Variants in ZNF221 observed in about 807,000 individuals in gnomAD.
ZNF221 encodes zinc finger protein 221.
A neutral mutation model predicts 12.6 loss-of-function variants in ZNF221; 10 were observed. That is an observed-to-expected ratio of 0.79 (90% CI 0.49 to 1.34). The LOEUF (loss-of-function observed/expected upper bound fraction) is 1.34. Ranked by LOEUF, ZNF221 falls within the 40% of genes most tolerant of loss-of-function variation. ZNF221 has a pLI of 0.00. For synonymous variants in ZNF221, 232 were observed against 244.0 expected, an observed-to-expected ratio of 0.95 and a Z score of 0.46; for missense variants, 661 against 721.4, an observed-to-expected ratio of 0.92 and a Z score of 0.96.
At chr19:43,951,540 A>G (rs1599809930) in intron 1 of ZNF221, 140 bp downstream of exon 1, 1 of 152,194 alleles carries the variant, frequency 6.6e-6, no homozygotes, top group Non-Finnish European at 1.5e-5. Context: ...AGCTCGCCCA[A>G]TCCGCATCCC....
chr19:43,966,261 A>G lies in ZNF221; in HGVS notation c.759A>G (p.Pro253=). Residue 253 remains proline, a synonymous_variant, in exon 5 of 5, where the codon CCA becomes CCG. Transcript: ENST00000587682. ...AGAGAGTCCATACTGGAGAGAAACC[A>G]TTCAAATGTGGGCAATGTGGGAAAG... is the stretch of plus-strand genomic sequence containing the variant. ...THQRVHTGEK[P]FKCGQCGKGF... 3 of 1,614,110 alleles carry G rather than the reference A, an allele frequency of 1.9e-6. No individual in the cohort carries two copies. The highest frequency in any genetic ancestry group is 2.5e-6 in the Non-Finnish European group (3 of 1,179,934).
Position 43,966,700 on chromosome 19 carries a change from G to A in ZNF221, c.1198G>A (p.Gly400Arg). The part of the protein sequence containing the change: ...GEKPYNCKEC[G>R]KTFRWSSCLL... ...GAAACCATATAATTGTAAAGAATGT[G>A]GGAAGACCTTCAGATGGTCCTCATG... Residue 400 changes from glycine to arginine, a missense_variant, in exon 5 of 5, where the codon GGG (glycine) becomes AGG (arginine). Gly to Arg is a moderately radical substitution (Grantham distance 125). Transcript: ENST00000587682. 6.2e-7 allele frequency: 1 copy of A among 1,614,216 alleles called. No homozygotes were observed. The highest frequency in any genetic ancestry group is 1.7e-5 in the Admixed American group (1 of 60,026).
rs554445224 is a variant in ZNF221 at position 43,966,908 on chromosome 19, A to G, written c.1406A>G (p.Gln469Arg). 1 of 1,614,258 alleles carries G rather than the reference A, an allele frequency of 6.2e-7. No homozygotes were observed. The highest frequency in any genetic ancestry group is 1.3e-5 in the African/African-American group (1 of 75,076). The change falls in exon 5 of 5, where the codon CAG becomes CGG. Residue 469 changes from glutamine to arginine, a missense_variant. Coordinates refer to ENST00000587682, the MANE Select transcript of ZNF221 (RefSeq NM_001297588.2). ...YKRRLDLEFH[Q>R]RVHTGERPYN... is the part of the protein sequence containing the mutation. Reference sequence around the variant, plus strand: ...AGGAGGTTGGATCTTGAGTTTCACCAGAGGGTCCACACGGGTGAGAGACCC... The same window carrying G: ...AGGAGGTTGGATCTTGAGTTTCACCGGAGGGTCCACACGGGTGAGAGACCC...
chr19:43,969,045 T>C (rs1009475270), downstream of ZNF221, among the ~76,000 whole-genome samples: 3 of 152,122 alleles, frequency 2.0e-5, no homozygotes, highest in Non-Finnish European at 4.4e-5. Flanking sequence ...TATATTCCCC[T>C]AGGAAGGGGG....
At chr19:43,973,675 C>A in the ZNF221 span, among the ~76,000 whole-genome samples, 5 of 152,112 alleles carry the variant, frequency 3.3e-5, no homozygotes, top group South Asian at 1.0e-3. Flanking sequence ...AATAAGTTAT[C>A]TAGGAATACA....
At chr19:43,965,756 T>C in intron 4 of ZNF221, 48 bp from the exon 5 acceptor site, 1 of 1,475,942 alleles carries the variant, frequency 6.8e-7, no homozygotes, top group East Asian at 2.3e-5. Context: ...TTGAAAACAT[T>C]GAATAGGGCT....
chr19:43,968,547 C>T (rs1000530153), downstream of ZNF221, among the ~76,000 whole-genome samples: 6 of 152,130 alleles, frequency 3.9e-5, no homozygotes, highest in African/African-American at 1.4e-4. Context: ...AAGGAGAAAA[C>T]ATATTTCAAA....
At chr19:43,952,511 A>G (rs755485502) in intron 1 of ZNF221, among the ~76,000 whole-genome samples, 3 of 152,214 alleles carry the variant, frequency 2.0e-5, no homozygotes, top group Admixed American at 6.5e-5. Context: ...CACGTACACC[A>G]CATGGTAGCT....
chr19:43,978,634 C>G, the ZNF221 span: 1 of 152,086 alleles, frequency 6.6e-6, no homozygotes, highest in East Asian at 1.9e-4. Context: ...GAGTATTTGA[C>G]TCCCAATAAA....
At chr19:43,968,773 A>G (rs958216163), downstream of ZNF221, among the ~76,000 whole-genome samples, 1 of 152,196 alleles carries the variant, frequency 6.6e-6, no homozygotes, top group Non-Finnish European at 1.5e-5. Flanking sequence ...TTGGTGTGGC[A>G]TGGAGCCAAA....
chr19:43,974,628 T>C, the ZNF221 span, among the ~76,000 whole-genome samples: 2 of 52,478 alleles, frequency 3.8e-5, no homozygotes, highest in African/African-American at 4.4e-5. Context: ...CTGACAAACA[T>C]GAAAAAAAAG....
chr19:43,978,782 G>A, the ZNF221 span: 1 of 151,994 alleles, frequency 6.6e-6, no homozygotes, highest in Non-Finnish European at 1.5e-5. Flanking sequence ...CTTTGAAATT[G>A]GGTACATTAT....
chr19:43,962,164 A>G (rs1488511186), intron 1 of ZNF221, among the ~76,000 whole-genome samples: 1 of 152,088 alleles, frequency 6.6e-6, no homozygotes, highest in African/African-American at 2.4e-5. Flanking sequence ...ATTATTTCCA[A>G]CTTTATTGAG....
chr19:43,955,074 G>T (rs143889081), intron 1 of ZNF221, among the ~76,000 whole-genome samples: 17 of 151,588 alleles, frequency 1.1e-4, no homozygotes, highest in African/African-American at 1.9e-4. Context: ...GCTGGACATT[G>T]TGGGCTCTAT....
At chr19:43,979,998 A>T in the ZNF221 span, among the ~76,000 whole-genome samples, 64 of 152,336 alleles carry the variant, frequency 4.2e-4, no homozygotes, top group African/African-American at 1.5e-3. Context: ...ATGATTCTAG[A>T]TGACCATGAA....
At chr19:43,955,054 T>C (rs1974734004) in intron 1 of ZNF221, among the ~76,000 whole-genome samples, 1 of 152,020 alleles carries the variant, frequency 6.6e-6, no homozygotes, top group Non-Finnish European at 1.5e-5. Context: ...AGGATCGCTC[T>C]CTATTCATTG....
At chr19:43,956,959 A>G (rs1974766214) in intron 1 of ZNF221, among the ~76,000 whole-genome samples, 1 of 152,228 alleles carries the variant, frequency 6.6e-6, no homozygotes, top group Admixed American at 6.5e-5. Flanking sequence ...AGATTTGTAA[A>G]CAGAAAAAGG....
rs1301222055 is a variant in ZNF221, at chr19:43,966,195, T to C, written c.693T>C (p.Cys231=). The C allele has an allele frequency of 1.1e-5, 18 of 1,614,062 alleles. No homozygotes were observed. Among genetic ancestry groups the C allele is most frequent in the Non-Finnish European group, 1.5e-5 (18 of 1,180,036 alleles). The change falls in exon 5 of 5, where the codon TGT becomes TGC. Residue 231 remains cysteine (C), a synonymous_variant. Coordinates refer to ENST00000587682, the MANE Select transcript of ZNF221 (RefSeq NM_001297588.2). ...AAAAATGCTATAAGTGTGATGTGTGTGGTAAGGAATTTAATCAGAGCTCAC... is the reference window on the plus strand; with the variant it reads ...AAAAATGCTATAAGTGTGATGTGTGCGGTAAGGAATTTAATCAGAGCTCAC... ...MGEKCYKCDV[C]GKEFNQSSHL...
intron 1 of ZNF221, among the ~76,000 whole-genome samples, chr19:43,961,355 T>C (rs879584205): frequency 1.3e-5 from 2 of 152,190 alleles, no homozygotes; most frequent in Non-Finnish European, 2.9e-5. Flanking sequence ...GAGAAACAAC[T>C]TATTGTAGCT....
Sources: gnomAD v4.1 joint callset for allele counts (sites outside exome capture counted in the v4.1 genomes callset) on GRCh38, gnomAD v4.1.1 for gene constraint, MANE v1.5 for transcripts, NCBI Gene and HGNC (gene_info 2026-07-23, HGNC 2026-07-21) for gene names.